The following SDC3 variants were observed in gnomAD, a reference collection of about 807,000 sequenced individuals.
SDC3 encodes the protein syndecan 3.
SDC3 carries 13 observed loss-of-function variants against 24.4 expected under a neutral mutation model. That is an observed-to-expected ratio of 0.53 (90% CI 0.35 to 0.85). SDC3 has a LOEUF of 0.85. Among genes scored for constraint, SDC3 ranks in the 40% least tolerant of loss-of-function variants. The pLI is 0.01. For missense variants in SDC3, 571 were observed against 584.5 expected, an observed-to-expected ratio of 0.98 and a Z score of 0.24; for synonymous variants, 295 against 260.9, an observed-to-expected ratio of 1.13 and a Z score of -1.26.
Position 30,869,588 on chromosome 1 carries a change from G to A in SDC3, c.*3623C>T. On this transcript the variant is annotated 3_prime_UTR_variant, in exon 5 of 5. Coordinates refer to ENST00000339394, the MANE Select transcript of SDC3 (RefSeq NM_014654.4). ...AAAAACAAAACCAGTTCCTTCACAA[G>A]GCTGGAACAGGAGAGTACCCGCAGT... 1 of 396,244 alleles carries A rather than the reference G, an allele frequency of 2.5e-6. No individual in the cohort carries two copies. 24.5% of individuals were successfully genotyped at this position (396,244 alleles called of 1,614,324 possible). A position where few individuals can be genotyped will look rare whatever the true frequency, so the allele number is the denominator to read the frequency against.
intron 1 of SDC3, among the ~76,000 whole-genome samples, chr1:30,896,940 G>A (rs998250080): frequency 2.6e-5 from 4 of 152,200 alleles, no homozygotes; most frequent in African/African-American, 9.6e-5. Context: ...TCCAATCTGG[G>A]CAACAGAGTA....
At chr1:30,896,109 T>C (rs972801223) in intron 1 of SDC3, among the ~76,000 whole-genome samples, 1 of 151,294 alleles carries the variant, frequency 6.6e-6, no homozygotes, top group African/African-American at 2.4e-5. Context: ...GTCTTGGGGG[T>C]CACATGAGCT....
At chr1:30,894,291 G>C (rs1015443697) in intron 1 of SDC3, among the ~76,000 whole-genome samples, 1 of 147,124 alleles carries the variant, frequency 6.8e-6, no homozygotes, top group African/African-American at 2.5e-5. Flanking sequence ...GGGGGAGTGA[G>C]AGAGTGTGTG....
chr1:30,876,523 T>C, intron 3 of SDC3, 29 bp downstream of exon 3: 1 of 934,718 alleles, frequency 1.1e-6, no homozygotes, highest in Non-Finnish European at 1.5e-6. Context: ...TCCTCCGCCC[T>C]CCTCCCTGTC....
At chr1:30,876,084 T>C (rs1639631924) in intron 3 of SDC3, among the ~76,000 whole-genome samples, 1 of 152,234 alleles carries the variant, frequency 6.6e-6, no homozygotes, top group African/African-American at 2.4e-5. Flanking sequence ...TTCTAAGCAC[T>C]GTGGATGTCA....
At chr1:30,894,353 A>AGTGT (rs3080395) in intron 1 of SDC3, among the ~76,000 whole-genome samples, 3 of 83,338 alleles carry the variant, frequency 3.6e-5, no homozygotes, top group Non-Finnish European at 6.4e-5. Flanking sequence ...TGTGTGGATG[A>AGTGT]GTGTGTGTGA....
Position 30,869,532 on chromosome 1 carries a change from CAAACAAAAA to C in SDC3, c.*3670_*3678del. 3.6e-6 allele frequency: 1 copy of C among 276,764 alleles called. No homozygotes were observed. Among genetic ancestry groups the C allele is most frequent in the Non-Finnish European group, 5.7e-6 (1 of 174,276 alleles). The allele number at this position is 276,764 out of a possible 1,614,324, so 17.1% of individuals were successfully genotyped here. A position where few individuals can be genotyped will look rare whatever the true frequency, so the allele number is the denominator to read the frequency against. On this transcript the variant is annotated 3_prime_UTR_variant, in exon 5 of 5. Transcript: ENST00000339394. ...GCACAGGAAGTGTTAAAAAAACAAA[CAAACAAAAA>C]AAAAAAAAAAAAAAAAAAAACAAAA...
At chr1:30,900,858 T>C (rs991991031) in intron 1 of SDC3, among the ~76,000 whole-genome samples, 1 of 150,792 alleles carries the variant, frequency 6.6e-6, no homozygotes, top group Non-Finnish European at 1.5e-5. Context: ...GTGCAGGGGG[T>C]ACAGGAATCT....
At chr1:30,890,196 G>T (rs1213617191) in intron 1 of SDC3, among the ~76,000 whole-genome samples, 1 of 152,194 alleles carries the variant, frequency 6.6e-6, no homozygotes, top group African/African-American at 2.4e-5. Flanking sequence ...TGTAGTCCCA[G>T]CTATTTGGGA....
chr1:30,899,294 T>C (rs1321546245), intron 1 of SDC3, among the ~76,000 whole-genome samples: 1 of 151,846 alleles, frequency 6.6e-6, no homozygotes, highest in East Asian at 1.9e-4. Context: ...ACCATGTTGG[T>C]CAGGCTGGTC....
In SDC3 at chr1:30,873,260, G is replaced by C. The variant is rs770500393; in HGVS notation, c.1280C>G (p.Ala427Gly). 6.2e-7 allele frequency: 1 copy of C among 1,613,348 alleles called. No homozygotes were observed. Among genetic ancestry groups the C allele is most frequent in the Non-Finnish European group, 8.5e-7 (1 of 1,179,280 alleles). ...GSYTLEEPKQ[A>G]SVTYQKPDKQ... ...GTCAGGCTTCTGGTATGTGACGCTCGCCTGCTTGGGTTCCTCCAGCGTGTA... is the reference window on the plus strand; with the variant it reads ...GTCAGGCTTCTGGTATGTGACGCTCCCCTGCTTGGGTTCCTCCAGCGTGTA... Residue 427 changes from alanine (A) to glycine (G), a missense_variant, in exon 5 of 5, where the codon GCG becomes GGG. Ala to Gly is a moderately conservative substitution (Grantham distance 60). Around this residue, in one of 2 missense-constraint regions of SDC3, gnomAD observed 74 missense variants for 112.9 expected, o/e 0.66. Transcript: ENST00000339394.
intron 1 of SDC3, among the ~76,000 whole-genome samples, chr1:30,886,644 G>A (rs1639833312): frequency 6.6e-6 from 1 of 152,090 alleles, no homozygotes; most frequent in South Asian, 2.1e-4. Flanking sequence ...TCTAAATCCT[G>A]TGTTCAGTGA....
chr1:30,908,339 G>T (rs1336705957), intron 1 of SDC3, 110 bp downstream of exon 1: 12 of 533,166 alleles, frequency 2.3e-5, no homozygotes, highest in Non-Finnish European at 2.9e-5. Flanking sequence ...GGAAGCAGCC[G>T]GGGGGGAGGG....
At chr1:30,875,773 G>A (rs183628441) in intron 3 of SDC3, among the ~76,000 whole-genome samples, 156 of 152,314 alleles carry the variant, frequency 1.0e-3, no homozygotes, top group Admixed American at 4.4e-3. Flanking sequence ...AACTGCCTGG[G>A]TTCAAATCCT....
intron 3 of SDC3, among the ~76,000 whole-genome samples, chr1:30,875,652 G>T (rs1336373866): frequency 6.6e-6 from 1 of 152,142 alleles, no homozygotes; most frequent in African/African-American, 2.4e-5. Context: ...TCCATCCCTG[G>T]CACTCCTGAC....
chr1:30,886,342 C>T (rs1287013924), intron 1 of SDC3, among the ~76,000 whole-genome samples: 1 of 152,102 alleles, frequency 6.6e-6, no homozygotes, highest in Non-Finnish European at 1.5e-5. Flanking sequence ...TCACACAATG[C>T]CTCCTTTGTC....
intron 1 of SDC3, among the ~76,000 whole-genome samples, chr1:30,894,323 G>A (rs2377659): frequency 0.49 from 59,509 of 122,626 alleles, 15,851 homozygotes; most frequent in South Asian, 0.66. Context: ...GCATGAGTGT[G>A]TGGATGAGTG....
chr1:30,902,145 G>T (rs1436294585), intron 1 of SDC3, among the ~76,000 whole-genome samples: 2 of 152,206 alleles, frequency 1.3e-5, no homozygotes, highest in Non-Finnish European at 2.9e-5. Context: ...GGGGCAACAG[G>T]GGTTGTAGAA....
intron 1 of SDC3, among the ~76,000 whole-genome samples, chr1:30,898,322 G>A (rs999659381): frequency 2.0e-5 from 3 of 152,102 alleles, no homozygotes; most frequent in African/African-American, 7.2e-5. Flanking sequence ...TGGTACAAAG[G>A]ACGCCTCCTC....
Sources: allele counts gnomAD v4.1 joint callset (sites outside exome capture counted in the v4.1 genomes callset), GRCh38; gene constraint gnomAD v4.1.1; regional missense constraint gnomAD v4.1.1; transcripts MANE v1.5; gene names NCBI Gene and HGNC (gene_info 2026-07-23, HGNC 2026-07-21).